Variants in ANXA10 observed in about 807,000 individuals in gnomAD.
ANXA10 encodes annexin A10, also known as annexin 14.
A neutral mutation model predicts 53.5 loss-of-function variants in ANXA10; 49 were observed. That is an observed-to-expected ratio of 0.92 (90% CI 0.73 to 1.16). The LOEUF (loss-of-function observed/expected upper bound fraction) is 1.16, where lower values mean the gene tolerates loss of function less well. Among genes scored for constraint, ANXA10 ranks in the 50% most tolerant of loss-of-function variants. The pLI is 0.00. For missense variants in ANXA10, 393 were observed against 394.4 expected, an observed-to-expected ratio of 1.00 and a Z score of 0.03; for synonymous variants, 131 against 128.9, an observed-to-expected ratio of 1.02 and a Z score of -0.11.
intron 6 of ANXA10, among the ~76,000 whole-genome samples, chr4:168,165,820 G>T (rs1181452375): frequency 6.6e-6 from 1 of 152,042 alleles, no homozygotes; most frequent in East Asian, 1.9e-4. Context: ...GGGACTCAAG[G>T]CACGTGCCAC....
intron 2 of ANXA10, among the ~76,000 whole-genome samples, chr4:168,137,197 T>G (rs1203581952): frequency 1.3e-5 from 2 of 152,200 alleles, no homozygotes; most frequent in Admixed American, 6.5e-5. Flanking sequence ...AGGAGCCATT[T>G]TTTTAGTGGA....
Position 168,092,593 on chromosome 4 carries a change from T to G in ANXA10, c.-108T>G, listed in dbSNP as rs1730477066. 8.8e-7 allele frequency: 1 copy of G among 1,133,620 alleles called. No individual in the cohort carries two copies. Among genetic ancestry groups the G allele is most frequent in the Non-Finnish European group, 1.3e-6 (1 of 775,776 alleles). The allele number at this position is 1,133,620 out of a possible 1,614,324, so 70.2% of individuals were successfully genotyped here. A position where few individuals can be genotyped will look rare whatever the true frequency, so the allele number is the denominator to read the frequency against. ...AGTCTGAGGTGAACAGTGAACATAT[T>G]TACATTTGATTTAACAGTGAACCTT... On this transcript the variant is annotated 5_prime_UTR_variant, in exon 1 of 12. The change creates a new upstream start codon in the 5' untranslated region. Coordinates refer to ENST00000359299, the MANE Select transcript of ANXA10 (RefSeq NM_007193.5).
chr4:168,124,241 G>T (rs1731034377), intron 1 of ANXA10, among the ~76,000 whole-genome samples: 1 of 152,174 alleles, frequency 6.6e-6, no homozygotes, highest in Non-Finnish European at 1.5e-5. Flanking sequence ...AAGCTTGAAA[G>T]ATAACATCTT....
At chr4:168,147,831 T>C (rs534410209) in intron 3 of ANXA10, among the ~76,000 whole-genome samples, 1 of 152,260 alleles carries the variant, frequency 6.6e-6, no homozygotes, top group South Asian at 2.1e-4. Flanking sequence ...ACAATGGGAA[T>C]AGGAAGATCT....
chr4:168,122,188 T>C (rs972000761), intron 1 of ANXA10, among the ~76,000 whole-genome samples: 1 of 152,180 alleles, frequency 6.6e-6, no homozygotes, highest in African/African-American at 2.4e-5. Flanking sequence ...TGAATGAGAC[T>C]CACTCTCTCA....
intron 1 of ANXA10, among the ~76,000 whole-genome samples, chr4:168,094,727 G>T (rs996651083): frequency 1.3e-5 from 2 of 151,938 alleles, no homozygotes; most frequent in African/African-American, 4.8e-5. Context: ...TACTCTCAAA[G>T]TATAGAAAAT....
At chr4:168,136,506 T>A (rs1731239470) in intron 2 of ANXA10, among the ~76,000 whole-genome samples, 1 of 152,198 alleles carries the variant, frequency 6.6e-6, no homozygotes, top group African/African-American at 2.4e-5. Flanking sequence ...CTAGAGGCCC[T>A]ATGCAAGCCT....
At chr4:168,164,694 G>A (rs77774733) in intron 5 of ANXA10, among the ~76,000 whole-genome samples, 1,982 of 152,206 alleles carry the variant, frequency 0.013, 23 homozygotes, top group Middle Eastern at 0.037. Flanking sequence ...TCACATTCCC[G>A]TAATCTACTA....
At chr4:168,158,359 A>C (rs942552641) in intron 3 of ANXA10, among the ~76,000 whole-genome samples, 2 of 152,200 alleles carry the variant, frequency 1.3e-5, no homozygotes, top group African/African-American at 4.8e-5. Flanking sequence ...AAATATGTGA[A>C]GTGACAACTG....
chr4:168,143,717 C>G (rs1440540940), intron 3 of ANXA10, among the ~76,000 whole-genome samples: 1 of 152,170 alleles, frequency 6.6e-6, no homozygotes, highest in Non-Finnish European at 1.5e-5. Flanking sequence ...TCATCTAAAA[C>G]AGGGACTATC....
At chr4:168,149,624 T>C (rs1350891731) in intron 3 of ANXA10, among the ~76,000 whole-genome samples, 1 of 152,204 alleles carries the variant, frequency 6.6e-6, no homozygotes, top group African/African-American at 2.4e-5. Context: ...AGAGAATTTC[T>C]GAAGATTGGT....
intron 8 of ANXA10, chr4:168,178,248 C>G (rs957157590): frequency 1.4e-5 from 6 of 422,610 alleles, no homozygotes; most frequent in African/African-American, 4.0e-5. Flanking sequence ...AGTACTTATT[C>G]AAATATATTA....
rs191720440 is a variant in ANXA10, at chr4:168,137,670, T to C, written c.101-1816T>C. ...ATGGTGTGTATATGCCACATTTTCT[T>C]TATCCAATCATCTGTTGATAGACAC... On this transcript the variant is annotated intron_variant, in intron 2 of 11. Transcript: ENST00000359299. Among the ~76,000 whole-genome samples, 712 of 152,338 alleles carry C rather than the reference T, an allele frequency of 4.7e-3. 6 individuals carry two copies. The highest frequency in any genetic ancestry group is 0.017 in the African/African-American group (693 of 41,584).
At chr4:168,102,684 T>G (rs911780783) in intron 1 of ANXA10, among the ~76,000 whole-genome samples, 7 of 152,102 alleles carry the variant, frequency 4.6e-5, no homozygotes, top group African/African-American at 1.7e-4. Flanking sequence ...CTGTGGGTTG[T>G]TTCAGGATTT....
chr4:168,127,345 C>G (rs527542566), intron 1 of ANXA10, among the ~76,000 whole-genome samples: 1 of 152,012 alleles, frequency 6.6e-6, no homozygotes, highest in South Asian at 2.1e-4. Context: ...ATAATCTCTG[C>G]GTTATCTATA....
intron 1 of ANXA10, among the ~76,000 whole-genome samples, chr4:168,096,528 C>G (rs1295478390): frequency 6.6e-6 from 1 of 151,984 alleles, no homozygotes; most frequent in Admixed American, 6.6e-5. Context: ...TTATAACAAC[C>G]ATAGATTGGT....
chr4:168,114,293 A>G (rs1432029127), intron 1 of ANXA10, among the ~76,000 whole-genome samples: 1 of 151,266 alleles, frequency 6.6e-6, no homozygotes, highest in Non-Finnish European at 1.5e-5. Context: ...TTTATTTTTT[A>G]GACAGAGTCT....
chr4:168,187,258 A>C, intron 11 of ANXA10, 108 bp from the exon 12 acceptor site: 1 of 576,362 alleles, frequency 1.7e-6, no homozygotes, highest in Non-Finnish European at 2.8e-6. Context: ...TAAGTTTAGA[A>C]AGGCTAATGG....
At chr4:168,145,522 T>C (rs947397406) in intron 3 of ANXA10, among the ~76,000 whole-genome samples, 4 of 152,192 alleles carry the variant, frequency 2.6e-5, no homozygotes, top group African/African-American at 7.2e-5. Context: ...AGAAGCAAGA[T>C]GGAGTCAGTT....
Sources: allele counts gnomAD v4.1 joint callset (sites outside exome capture counted in the v4.1 genomes callset), GRCh38; gene constraint gnomAD v4.1.1; transcripts MANE v1.5; gene names NCBI Gene and HGNC (gene_info 2026-07-23, HGNC 2026-07-21).